The following ATP9B variants were observed in gnomAD, a reference collection of about 807,000 sequenced individuals.
ATP9B encodes ATPase phospholipid transporting 9B, also known as probable phospholipid-transporting ATPase IIB.
In ATP9B, 110 loss-of-function variants were observed where a neutral mutation model predicts 146.1. That is an observed-to-expected ratio of 0.75 (90% CI 0.65 to 0.88). ATP9B has a LOEUF of 0.88. Ranked by LOEUF, ATP9B falls within the 40% of genes least tolerant of loss-of-function variation. The probability of loss-of-function intolerance (pLI) is 0.00; values close to 1 mark genes in which losing one functional copy is unlikely to be tolerated. For synonymous variants in ATP9B, 604 were observed against 569.7 expected, an observed-to-expected ratio of 1.06 and a Z score of -0.86; for missense variants, 1,499 against 1,496.4, an observed-to-expected ratio of 1.00 and a Z score of -0.03.
At chr18:79,320,922 G>C (rs891960895) in intron 15 of ATP9B, among the ~76,000 whole-genome samples, 1 of 152,144 alleles carries the variant, frequency 6.6e-6, no homozygotes, top group African/African-American at 2.4e-5. Context: ...TTTTATGCGG[G>C]GAGGGAGCTT....
Position 79,232,535 on chromosome 18 carries a change from C to T in ATP9B, c.1107+18497C>T, listed in dbSNP as rs140891470. ...AAGCCCCACACTAAAGGCTTGTTTA[C>T]TTCAGCTCCTATTATCTCATACATC... On this transcript the variant is annotated intron_variant, in intron 11 of 29. Coordinates refer to ENST00000426216, the MANE Select transcript of ATP9B (RefSeq NM_198531.5). Among the ~76,000 whole-genome samples, 458 of 152,334 alleles carry T rather than the reference C, an allele frequency of 3.0e-3. 1 individual carries two copies. Among genetic ancestry groups the T allele is most frequent in the Non-Finnish European group, 4.2e-3 (285 of 68,030 alleles).
In ATP9B at chr18:79,330,124, G is replaced by A. The variant is rs374517655; in HGVS notation, c.2028+20G>A. 3.1e-5 allele frequency: 49 copies of A among 1,603,334 alleles called. No homozygotes were observed. Among genetic ancestry groups the A allele is most frequent in the African/African-American group, 2.3e-4 (17 of 74,814 alleles). ...GAGGAGGTATGTGAGTGACTCTAGC[G>A]TGGTTCACAGTGTTTCTATGGAAGA... is the stretch of plus-strand genomic sequence containing the variant. On this transcript the variant is annotated intron_variant, in intron 17 of 29. Coordinates refer to ENST00000426216, the MANE Select transcript of ATP9B (RefSeq NM_198531.5).
At chr18:79,161,610 A>T (rs1403480932) in intron 7 of ATP9B, among the ~76,000 whole-genome samples, 2 of 152,222 alleles carry the variant, frequency 1.3e-5, no homozygotes, top group Non-Finnish European at 1.5e-5. Flanking sequence ...GCACTTTGGG[A>T]GGCCGAGATG....
At chr18:79,166,372 G>A (rs554321470) in intron 7 of ATP9B, among the ~76,000 whole-genome samples, 1 of 152,164 alleles carries the variant, frequency 6.6e-6, no homozygotes, top group Admixed American at 6.5e-5. Flanking sequence ...CTCCCTGGGA[G>A]ATAACAGCCC....
intron 4 of ATP9B, among the ~76,000 whole-genome samples, chr18:79,125,728 A>T (rs558271284): frequency 6.6e-6 from 1 of 152,340 alleles, no homozygotes; most frequent in African/African-American, 2.4e-5. Context: ...ATATTAATAC[A>T]GGCAGATTTT....
chr18:79,231,049 C>A lies in ATP9B; in HGVS notation c.1107+17011C>A, dbSNP rs1392817031. On this transcript the variant is annotated intron_variant, in intron 11 of 29. Transcript: ENST00000426216. ...TCTAAGACCTGAAACCATACAAATT[C>A]TAGAAGATAACATTGGAAAATCTCT... Among the ~76,000 whole-genome samples the A allele has an allele frequency of 2.0e-5, 3 of 152,200 alleles. No individual in the cohort carries two copies. In the East Asian group the frequency reaches 5.8e-4, roughly 29 times the overall value.
chr18:79,123,690 A>T (rs905722241), intron 4 of ATP9B, among the ~76,000 whole-genome samples: 1 of 152,226 alleles, frequency 6.6e-6, no homozygotes, highest in Non-Finnish European at 1.5e-5. Context: ...AAACTGCATG[A>T]TCAAGACAGT....
chr18:79,265,939 TTC>T (rs1332348935), intron 12 of ATP9B, among the ~76,000 whole-genome samples: 2 of 152,240 alleles, frequency 1.3e-5, no homozygotes, highest in Admixed American at 1.3e-4. Flanking sequence ...GGGGTCCGGT[TTC>T]TCTCTTCTGC....
intron 1 of ATP9B, among the ~76,000 whole-genome samples, chr18:79,081,887 G>A (rs934436222): frequency 2.0e-5 from 3 of 151,864 alleles, no homozygotes; most frequent in Non-Finnish European, 4.4e-5. Flanking sequence ...TATGTGTCTT[G>A]GGGTTGCTGT....
At chr18:79,234,360 C>T (rs891047642) in intron 11 of ATP9B, among the ~76,000 whole-genome samples, 2 of 152,230 alleles carry the variant, frequency 1.3e-5, no homozygotes, top group Non-Finnish European at 2.9e-5. Flanking sequence ...ATTCCGAGTT[C>T]CATGAGCAGT....
intron 11 of ATP9B, among the ~76,000 whole-genome samples, chr18:79,238,829 A>C (rs1490687255): frequency 6.6e-6 from 1 of 152,030 alleles, no homozygotes; most frequent in East Asian, 1.9e-4. Context: ...AAATATCTGC[A>C]GTGGCCACAT....
rs1045937107 is a variant in ATP9B, at chr18:79,347,926, G to C, written c.2838+1G>C. On this transcript the variant is annotated splice_donor_variant, in intron 24 of 29. Transcript: ENST00000426216. LOFTEE classifies it high-confidence loss of function. Reference sequence around the variant, plus strand: ...GGGCCTTATCATCTCCACCATGCAGGTACTAAGCCTTCTGTGCTGGCACCC... The same window carrying C: ...GGGCCTTATCATCTCCACCATGCAGCTACTAAGCCTTCTGTGCTGGCACCC... The C allele has an allele frequency of 6.2e-7, 1 of 1,612,682 alleles. No individual in the cohort carries two copies.
At chr18:79,266,802 C>T (rs1378495250) in intron 12 of ATP9B, among the ~76,000 whole-genome samples, 1 of 152,048 alleles carries the variant, frequency 6.6e-6, no homozygotes, top group African/African-American at 2.4e-5. Context: ...AAAACCCCAA[C>T]ATAATGATGG....
At chr18:79,323,884 C>T (rs1358836969) in intron 15 of ATP9B, among the ~76,000 whole-genome samples, 1 of 152,232 alleles carries the variant, frequency 6.6e-6, no homozygotes, top group East Asian at 1.9e-4. Flanking sequence ...CTCCATGCTG[C>T]TCTCCAGAGG....
intron 6 of ATP9B, among the ~76,000 whole-genome samples, chr18:79,153,254 TTA>T (rs1341456707): frequency 2.0e-5 from 3 of 152,308 alleles, no homozygotes; most frequent in South Asian, 4.1e-4. Context: ...CTTAATACAA[TTA>T]TATATTTTTT....
chr18:79,295,038 G>A (rs1207362355), intron 13 of ATP9B, among the ~76,000 whole-genome samples: 3 of 152,114 alleles, frequency 2.0e-5, no homozygotes, highest in East Asian at 1.9e-4. Flanking sequence ...TTTTCTGTGT[G>A]TTTTGGTTTT....
chr18:79,112,785 A>G lies in ATP9B; in HGVS notation c.445-456A>G, dbSNP rs1274832519. Among the ~76,000 whole-genome samples the G allele has an allele frequency of 8.6e-5, 13 of 151,624 alleles. 1 individual carries two copies. Among genetic ancestry groups the G allele is most frequent in the South Asian group, 6.2e-4 (3 of 4,816 alleles). On this transcript the variant is annotated intron_variant, in intron 3 of 29. Coordinates refer to ENST00000426216, the MANE Select transcript of ATP9B (RefSeq NM_198531.5). ...CTATTTATTTGTTTTTTACCATTTC[A>G]TAAATATAAGGTTAATATGACTTTT...
At chr18:79,079,151 A>G (rs548135329) in intron 1 of ATP9B, among the ~76,000 whole-genome samples, 5 of 152,306 alleles carry the variant, frequency 3.3e-5, no homozygotes, top group Admixed American at 1.3e-4. Context: ...TAGTAGAATG[A>G]TTTATAATCC....
intron 12 of ATP9B, among the ~76,000 whole-genome samples, chr18:79,276,844 C>T (rs937819993): frequency 6.6e-6 from 1 of 152,110 alleles, no homozygotes; most frequent in African/African-American, 2.4e-5. Context: ...TTAAAAAATA[C>T]GTGTATATGG....
Sources: gnomAD v4.1 joint callset for allele counts (sites outside exome capture counted in the v4.1 genomes callset) on GRCh38, gnomAD v4.1.1 for gene constraint, MANE v1.5 for transcripts, NCBI Gene and HGNC (gene_info 2026-07-23, HGNC 2026-07-21) for gene names.